Variants in DNAJC13 observed in about 807,000 individuals in gnomAD.
DNAJC13 encodes dnaJ homolog subfamily C member 13.
DNAJC13 carries 75 observed loss-of-function variants against 290.5 expected under a neutral mutation model. The ratio of observed to expected loss-of-function variants is 0.26; its 90% CI spans 0.21 to 0.31. The LOEUF (loss-of-function observed/expected upper bound fraction) is 0.31, where lower values mean the gene tolerates loss of function less well. Ranked by LOEUF, DNAJC13 falls within the 10% of genes least tolerant of loss-of-function variation. DNAJC13 has a pLI of 1.00. For synonymous variants in DNAJC13, 862 were observed against 892.0 expected (o/e 0.97, Z 0.60); for missense variants, 2,260 against 2,674.5 (o/e 0.85, Z 3.42).
At position 132,538,670 on chromosome 3, in the gene DNAJC13, C is replaced by G. The variant is rs573236323; in HGVS notation, c.*388C>G. ...AAAAATTGGGCTAAGTCACTTTTCC[C>G]CAGGAAAGAATATTTCCCTCTCCTG... On this transcript the variant is annotated 3_prime_UTR_variant, in exon 56 of 56. Coordinates refer to ENST00000260818, the MANE Select transcript of DNAJC13 (RefSeq NM_015268.4). 6.2e-6 allele frequency: 1 copy of G among 160,076 alleles called. No homozygotes were observed. Among genetic ancestry groups the G allele is most frequent in the Admixed American group, 6.4e-5 (1 of 15,670 alleles). The allele number at this position is 160,076 out of a possible 1,614,324, so 9.9% of individuals were successfully genotyped here. A position where few individuals can be genotyped will look rare whatever the true frequency, so the allele number is the denominator to read the frequency against.
intron 9 of DNAJC13, 102 bp from the exon 10 acceptor site, chr3:132,456,133 C>T (rs1034738334): frequency 2.7e-5 from 28 of 1,021,782 alleles, no homozygotes; most frequent in Non-Finnish European, 3.6e-5. Flanking sequence ...TGTAGTGTGT[C>T]CCTGAGCAGA....
Position 132,447,343 on chromosome 3 carries a change from G to T in DNAJC13, c.167G>T (p.Ser56Ile). Residue 56 changes from serine (S) to isoleucine (I), a missense_variant, in exon 4 of 56, where the codon AGC (serine) becomes ATC (isoleucine). Physicochemically the swap from Ser to Ile is moderately radical, Grantham distance 142 (BLOSUM62 -2). Transcript: ENST00000260818. ...AAGTGGCCTTATGGAGACATTTGCA[G>T]CATCAGCCCTGTTGGAAAAGGACAA... The part of the protein sequence containing the change: ...TNQWPYGDIC[S>I]ISPVGKGQGT... The T allele has an allele frequency of 6.3e-7, 1 of 1,583,896 alleles. No homozygotes were observed. Among genetic ancestry groups the T allele is most frequent in the East Asian group, 2.3e-5 (1 of 43,596 alleles).
chr3:132,449,373 A>T (rs1182548606), intron 5 of DNAJC13, among the ~76,000 whole-genome samples: 1 of 152,112 alleles, frequency 6.6e-6, no homozygotes, highest in Non-Finnish European at 1.5e-5. Context: ...AGAATATCCT[A>T]TATAGTGGTC....
At chr3:132,484,163 T>TTA (rs1437617538) in intron 28 of DNAJC13, among the ~76,000 whole-genome samples, 1 of 152,206 alleles carries the variant, frequency 6.6e-6, no homozygotes, top group African/African-American at 2.4e-5. Flanking sequence ...GGACTCAAAA[T>TTA]TATACAGTTA....
chr3:132,469,278 C>T (rs2107681092), intron 20 of DNAJC13, among the ~76,000 whole-genome samples: 1 of 152,312 alleles, frequency 6.6e-6, no homozygotes, highest in Non-Finnish European at 1.5e-5. Context: ...TAGTTAGAGT[C>T]TGAAAACTAA....
intron 1 of DNAJC13, among the ~76,000 whole-genome samples, chr3:132,429,644 A>T (rs1939191164): frequency 6.6e-6 from 1 of 152,174 alleles, no homozygotes; most frequent in Non-Finnish European, 1.5e-5. Context: ...GGCAGTCTTC[A>T]ATGGAGTTTT....
intron 48 of DNAJC13, among the ~76,000 whole-genome samples, chr3:132,517,143 T>C (rs994368049): frequency 1.3e-5 from 2 of 152,230 alleles, no homozygotes; most frequent in Admixed American, 6.5e-5. Flanking sequence ...AGGATTGGCC[T>C]GTGGAAATAA....
intron 43 of DNAJC13, among the ~76,000 whole-genome samples, chr3:132,508,932 G>A (rs1935684830): frequency 6.6e-6 from 1 of 152,190 alleles, no homozygotes; most frequent in Admixed American, 6.5e-5. Context: ...ACTACTGCTC[G>A]TTGGCAATGC....
chr3:132,467,498 C>G (rs1934036902), intron 20 of DNAJC13, among the ~76,000 whole-genome samples, 185 bp downstream of exon 20: 1 of 152,130 alleles, frequency 6.6e-6, no homozygotes, highest in Non-Finnish European at 1.5e-5. Context: ...CAGAGCCTTG[C>G]TCTGTTGCAC....
At position 132,482,346 on chromosome 3, in the gene DNAJC13, A is replaced by AGCTTCAAT. The variant is rs1181116360; in HGVS notation, c.2979+16_2979+17insGCTTCAAT. 6.2e-7 allele frequency: 1 copy of AGCTTCAAT among 1,603,762 alleles called. No individual in the cohort carries two copies. Among genetic ancestry groups the AGCTTCAAT allele is most frequent in the South Asian group, 1.1e-5 (1 of 90,376 alleles). ...ATTTCATGAGGTATGTATCTTGGAG[A>AGCTTCAAT]TACTTTTGGTGAAGGTCTCAGCATT... is the stretch of plus-strand genomic sequence containing the variant. On this transcript the variant is annotated intron_variant, in intron 27 of 55. Coordinates refer to ENST00000260818, the MANE Select transcript of DNAJC13 (RefSeq NM_015268.4).
chr3:132,516,802 C>G lies in DNAJC13; in HGVS notation c.5659C>G (p.Leu1887Val). The G allele has an allele frequency of 1.2e-6, 2 of 1,612,932 alleles. No individual in the cohort carries two copies. The highest frequency in any genetic ancestry group is 2.2e-5 in the South Asian group (2 of 91,010). ...ELFAKMTADKLIGPKVRITLM... is the reference protein window; with the variant it reads ...ELFAKMTADKVIGPKVRITLM... ...TTTTGCCAAAATGACAGCAGATAAA[C>G]TGATAGGTCCAAAGGTAGGCACAAA... Residue 1887 changes from leucine (L) to valine (V), a missense_variant, in exon 48 of 56, where the codon CTG (leucine) becomes GTG (valine). Transcript: ENST00000260818.
intron 1 of DNAJC13, among the ~76,000 whole-genome samples, chr3:132,421,732 G>T (rs1234394729): frequency 6.6e-6 from 1 of 151,800 alleles, no homozygotes; most frequent in South Asian, 2.1e-4. Flanking sequence ...GAGCCACCAT[G>T]CCTGGCCCAT....
chr3:132,451,892 T>C (rs1933427201), intron 6 of DNAJC13, among the ~76,000 whole-genome samples: 1 of 152,246 alleles, frequency 6.6e-6, no homozygotes. Flanking sequence ...GATTTTACTC[T>C]TTCCCCACTT....
intron 33 of DNAJC13, 21 bp from the exon 34 acceptor site, chr3:132,494,123 T>C: frequency 6.7e-7 from 1 of 1,491,690 alleles, no homozygotes; most frequent in Non-Finnish European, 9.2e-7. Flanking sequence ...TTGATATAAA[T>C]TTTAATCTTT....
chr3:132,427,134 T>TATATA (rs34351441), intron 1 of DNAJC13, among the ~76,000 whole-genome samples: 2,979 of 115,130 alleles, frequency 0.026, 99 homozygotes, highest in African/African-American at 0.12. Context: ...TATATATATA[T>TATATA]TTTTTTTTTT....
chr3:132,491,525 C>A (rs1935057439), intron 32 of DNAJC13, among the ~76,000 whole-genome samples: 1 of 151,966 alleles, frequency 6.6e-6, no homozygotes, highest in Admixed American at 6.6e-5. Context: ...ACCTTTTGTC[C>A]TTAATCTGGA....
chr3:132,470,939 G>A (rs1934213969), intron 20 of DNAJC13, among the ~76,000 whole-genome samples: 1 of 123,756 alleles, frequency 8.1e-6, no homozygotes, highest in Admixed American at 7.5e-5. Flanking sequence ...CGGGCAGAGG[G>A]GCTCCTCACT....
At chr3:132,473,330 G>A (rs926446079) in intron 21 of DNAJC13, 103 bp downstream of exon 21, 24 of 744,564 alleles carry the variant, frequency 3.2e-5, no homozygotes, top group Middle Eastern at 2.5e-4. Context: ...TATGCCACAT[G>A]TATTTTTATG....
intron 46 of DNAJC13, among the ~76,000 whole-genome samples, chr3:132,515,710 CATCCAGATATTTTAGCCTACTCTCT>C (rs1305404669): frequency 6.6e-6 from 1 of 152,132 alleles, no homozygotes; most frequent in Non-Finnish European, 1.5e-5. Context: ...AAATAGCTGG[CATCCAGATATTTTAGCCTACTCTCT>C]ATCATTAAGA....
Sources: allele counts gnomAD v4.1 joint callset (sites outside exome capture counted in the v4.1 genomes callset), GRCh38; gene constraint gnomAD v4.1.1; transcripts MANE v1.5; gene names NCBI Gene and HGNC (gene_info 2026-07-23, HGNC 2026-07-21).